DSCAM: variants seen among roughly 807,000 people sequenced by gnomAD.
The protein encoded by DSCAM is cell adhesion molecule DSCAM.
DSCAM carries 47 observed loss-of-function variants against 217.7 expected under a neutral mutation model. That is an observed-to-expected ratio of 0.22 (90% CI 0.17 to 0.28). The LOEUF (loss-of-function observed/expected upper bound fraction) is 0.28, where lower values mean the gene tolerates loss of function less well. Ranked by LOEUF, DSCAM falls within the 10% of genes least tolerant of loss-of-function variation. The pLI is 1.00. For synonymous variants in DSCAM, 1,056 were observed against 1,015.3 expected (o/e 1.04, Z -0.76); for missense variants, 2,080 against 2,618.3 (o/e 0.79, Z 4.49).
At chr21:40,657,071 A>G (rs890480395) in intron 3 of DSCAM, among the ~76,000 whole-genome samples, 1 of 152,248 alleles carries the variant, frequency 6.6e-6, no homozygotes, top group African/African-American at 2.4e-5. Flanking sequence ...AGTATTTCAG[A>G]TTCCCCATTA....
At position 40,545,513 on chromosome 21, in the gene DSCAM, G is replaced by A. The variant is rs78387515; in HGVS notation, c.508+147297C>T. On this transcript the variant is annotated intron_variant, in intron 3 of 32. Coordinates refer to ENST00000400454, the MANE Select transcript of DSCAM (RefSeq NM_001389.5). ...GTCTGTGCTTTAATAGTTTATAAAAGCCAGAAATGTCATGGGAAACCAGAC... is the reference window on the plus strand; with the variant it reads ...GTCTGTGCTTTAATAGTTTATAAAAACCAGAAATGTCATGGGAAACCAGAC... 1.3e-3 allele frequency among the ~76,000 whole-genome samples: 201 copies of A among 152,178 alleles called. 7 individuals carry two copies. The East Asian group carries it at 0.034, about 26-fold the overall frequency.
At chr21:40,533,564 T>A (rs57961492) in intron 3 of DSCAM, among the ~76,000 whole-genome samples, 12,840 of 146,222 alleles carry the variant, frequency 0.088, 1,067 homozygotes, top group African/African-American at 0.23. Context: ...CATTCATCCA[T>A]CCATCCATCC....
At chr21:40,499,503 A>T (rs1428852826) in intron 3 of DSCAM, among the ~76,000 whole-genome samples, 1 of 152,200 alleles carries the variant, frequency 6.6e-6, no homozygotes, top group East Asian at 1.9e-4. Flanking sequence ...TTATTTAAGA[A>T]GGCACTCACC....
chr21:40,259,894 GT>G (rs1569028543), intron 11 of DSCAM, among the ~76,000 whole-genome samples: 2 of 151,602 alleles, frequency 1.3e-5, no homozygotes. Flanking sequence ...AAGAGTACTA[GT>G]TTTTTGTATT....
chr21:40,192,097 T>C (rs1459853738), intron 11 of DSCAM, among the ~76,000 whole-genome samples: 1 of 152,220 alleles, frequency 6.6e-6, no homozygotes, highest in East Asian at 1.9e-4. Context: ...ATAACCTGTA[T>C]ACAAATATAC....
intron 4 of DSCAM, among the ~76,000 whole-genome samples, chr21:40,357,735 T>G (rs916285389): frequency 1.3e-5 from 2 of 151,736 alleles, no homozygotes; most frequent in Admixed American, 1.3e-4. Flanking sequence ...GGGGGAGAGA[T>G]AGCATTAGGA....
rs2089546870 is a variant in DSCAM, at chr21:40,087,365, A to T, written c.3851-78T>A. ...AGAGGCCAACATGACCTACTCAATA[A>T]GGGCAATACCTAAAAATGGATGTGA... On this transcript the variant is annotated intron_variant, in intron 21 of 32. Coordinates refer to ENST00000400454, the MANE Select transcript of DSCAM (RefSeq NM_001389.5). 6.7e-6 allele frequency: 7 copies of T among 1,044,018 alleles called. No individual in the cohort carries two copies. In the South Asian group the frequency reaches 9.2e-5, roughly 14 times the overall value. 64.7% of individuals were successfully genotyped at this position (1,044,018 alleles called of 1,614,324 possible). A position where few individuals can be genotyped will look rare whatever the true frequency, so the allele number is the denominator to read the frequency against.
At chr21:40,277,868 C>CA (rs1221895007) in intron 10 of DSCAM, among the ~76,000 whole-genome samples, 1,147 of 55,230 alleles carry the variant, frequency 0.021, 13 homozygotes, top group African/African-American at 0.058. Flanking sequence ...GACTTCGTCT[C>CA]AAAAAAAAAA....
chr21:40,640,430 C>T (rs1391306629), intron 3 of DSCAM, among the ~76,000 whole-genome samples: 1 of 152,212 alleles, frequency 6.6e-6, no homozygotes, highest in African/African-American at 2.4e-5. Context: ...TGATCCGCAG[C>T]TTCCTGTAAA....
In DSCAM at chr21:40,035,796, A is replaced by G. The variant is rs1319437282; in HGVS notation, c.5686+6575T>C. On this transcript the variant is annotated intron_variant, in intron 32 of 32. Transcript: ENST00000400454. ...CTCTCCTCAGCAAATGTAAAAGAAC[A>G]GAAATTATAACAAACTATCTCTCAG... Among the ~76,000 whole-genome samples the G allele has an allele frequency of 2.5e-4, 36 of 146,152 alleles. 2 individuals carry two copies. The highest frequency in any genetic ancestry group is 9.7e-4 in the African/African-American group (36 of 37,154).
intron 3 of DSCAM, among the ~76,000 whole-genome samples, chr21:40,683,068 A>C (rs921649976): frequency 6.6e-6 from 1 of 152,244 alleles, no homozygotes; most frequent in African/African-American, 2.4e-5. Context: ...TGAGGCCCCC[A>C]TCAGAACCTG....
chr21:40,431,244 T>C (rs757084233), intron 3 of DSCAM, among the ~76,000 whole-genome samples: 3 of 152,252 alleles, frequency 2.0e-5, no homozygotes, highest in Non-Finnish European at 4.4e-5. Flanking sequence ...GCAGTTTCAC[T>C]GATACACAAA....
At chr21:40,080,372 C>T (rs750115934) in intron 24 of DSCAM, 32 bp from the exon 25 acceptor site, 1 of 1,512,922 alleles carries the variant, frequency 6.6e-7, no homozygotes, top group South Asian at 1.3e-5. Flanking sequence ...CACATGAGCA[C>T]TGTGTTTGCT....
chr21:40,619,472 T>C (rs2089450407), intron 3 of DSCAM, among the ~76,000 whole-genome samples: 1 of 152,198 alleles, frequency 6.6e-6, no homozygotes, highest in Non-Finnish European at 1.5e-5. Context: ...ACGCAGTTCA[T>C]ATTTCTCCAT....
At chr21:40,160,785 CTAACCGTTA>C (rs1345578297) in intron 16 of DSCAM, among the ~76,000 whole-genome samples, 3 of 152,132 alleles carry the variant, frequency 2.0e-5, no homozygotes, top group Admixed American at 2.0e-4. Context: ...AGCTTATAAC[CTAACCGTTA>C]TACAAAAAAT....
intron 32 of DSCAM, among the ~76,000 whole-genome samples, chr21:40,025,691 T>C (rs533920172): frequency 2.6e-5 from 4 of 151,296 alleles, no homozygotes; most frequent in Non-Finnish European, 4.4e-5. Flanking sequence ...GATGGTAGTT[T>C]GTATTTCTGT....
intron 3 of DSCAM, among the ~76,000 whole-genome samples, chr21:40,514,068 A>T (rs148774796): frequency 0.017 from 2,642 of 152,290 alleles, 25 homozygotes; most frequent in Middle Eastern, 0.058. Context: ...AGGACAGACA[A>T]CCTGGGCATG....
chr21:40,427,714 G>A (rs980739296), intron 3 of DSCAM, among the ~76,000 whole-genome samples: 11 of 152,218 alleles, frequency 7.2e-5, no homozygotes, highest in African/African-American at 2.4e-4. Context: ...GAAGAATGCT[G>A]CAGATTCTCA....
intron 3 of DSCAM, among the ~76,000 whole-genome samples, chr21:40,601,982 C>T (rs1034812213): frequency 2.3e-4 from 34 of 145,980 alleles, no homozygotes; most frequent in African/African-American, 8.7e-4. Context: ...CTTGTGATGT[C>T]TTTATCTGTT....
Sources: allele counts gnomAD v4.1 joint callset (sites outside exome capture counted in the v4.1 genomes callset), GRCh38; gene constraint gnomAD v4.1.1; transcripts MANE v1.5; gene names NCBI Gene and HGNC (gene_info 2026-07-23, HGNC 2026-07-21).